PATL2: variants seen among roughly 807,000 people sequenced by gnomAD.
PATL2 encodes the protein PAT1 homolog 2, also known as protein PAT1 homolog 2.
In PATL2, 73 loss-of-function variants were observed where a neutral mutation model predicts 77.0. The ratio of observed to expected loss-of-function variants is 0.95; its 90% CI spans 0.78 to 1.15. PATL2 has a LOEUF of 1.15. PATL2 is among the 50% of genes most tolerant of loss of function. The pLI, the probability that PATL2 is intolerant of heterozygous loss-of-function variation, is 0.00. For synonymous variants in PATL2, 265 were observed against 257.1 expected (o/e 1.03, Z -0.29); for missense variants, 618 against 655.4 (o/e 0.94, Z 0.62).
chr15:44,703,631 A>C (rs1160153166), intron 3 of PATL2, among the ~76,000 whole-genome samples: 2 of 150,842 alleles, frequency 1.3e-5, no homozygotes, highest in African/African-American at 2.4e-5. Flanking sequence ...TTCCATTGGA[A>C]TGGAATATAT....
intron 5 of PATL2, 42 bp from the exon 6 acceptor site, chr15:44,674,272 T>G: frequency 7.1e-7 from 1 of 1,407,446 alleles, no homozygotes; most frequent in Non-Finnish European, 9.7e-7. Flanking sequence ...AATGGGCCCC[T>G]GTAGTGTCTT....
At chr15:44,667,840 G>A (rs2085459858) in intron 15 of PATL2, among the ~76,000 whole-genome samples, 1 of 152,188 alleles carries the variant, frequency 6.6e-6, no homozygotes, top group South Asian at 2.1e-4. Context: ...CTACTTGGGA[G>A]GCTGAGGCAG....
chr15:44,684,455 A>T (rs564260041), intron 3 of PATL2, among the ~76,000 whole-genome samples: 1 of 151,964 alleles, frequency 6.6e-6, no homozygotes, highest in Admixed American at 6.6e-5. Flanking sequence ...AGCATTCACA[A>T]GTATTAATAG....
At chr15:44,675,906 G>A in intron 4 of PATL2, 3 of 542,950 alleles carry the variant, frequency 5.5e-6, no homozygotes, top group Non-Finnish European at 9.7e-6. Flanking sequence ...CCTGAGCCAG[G>A]TGTGGTGGCT....
intron 3 of PATL2, among the ~76,000 whole-genome samples, chr15:44,695,147 C>G (rs902126296): frequency 1.3e-5 from 2 of 151,700 alleles, no homozygotes; most frequent in African/African-American, 4.9e-5. Context: ...GAAGATTGCA[C>G]CATTGCACTC....
chr15:44,666,423 G>C lies in PATL2; in HGVS notation c.1582C>G (p.Gln528Glu). ...CTGGCCTCCAGCTGCTGAACCAATT[G>C]TTTGTCCACGTGGTGACAGAACAGG... ...LPLFCHHVDK[Q>E]LVQQLEARME... Residue 528 changes from glutamine to glutamate, a missense_variant, in exon 17 of 18, where the codon CAA becomes GAA. Coordinates refer to ENST00000682850, the MANE Select transcript of PATL2 (RefSeq NM_001387263.1). 2 of 1,551,702 alleles carry C rather than the reference G, an allele frequency of 1.3e-6. No individual in the cohort carries two copies. Among genetic ancestry groups the C allele is most frequent in the Non-Finnish European group, 1.7e-6 (2 of 1,146,996 alleles).
intron 16 of PATL2, 44 bp downstream of exon 16, chr15:44,667,062 C>T: frequency 7.0e-7 from 1 of 1,434,310 alleles, no homozygotes; most frequent in Non-Finnish European, 9.6e-7. Flanking sequence ...GTCTGCACAT[C>T]CCGAGGGTAC....
chr15:44,698,395 C>G (rs2086557146), intron 3 of PATL2, among the ~76,000 whole-genome samples: 1 of 152,076 alleles, frequency 6.6e-6, no homozygotes, highest in Non-Finnish European at 1.5e-5. Flanking sequence ...CCTCCCCCGA[C>G]TACTCTTCCC....
chr15:44,675,579 C>T lies in PATL2; in HGVS notation c.129G>A (p.Glu43=), dbSNP rs1417334009. 6 of 1,551,802 alleles carry T rather than the reference C, an allele frequency of 3.9e-6. No homozygotes were observed. Among genetic ancestry groups the T allele is most frequent in the East Asian group, 2.4e-5 (1 of 40,930 alleles). ...EGEEEEEEED[E]EDLDPDLDPD... is the part of the protein sequence containing the mutation. ...GGTCCAGATCTGGGTCCAGATCCTCCTCGTCCTCCTCCTCTTCCTCCTCCT... is the reference window on the plus strand; with the variant it reads ...GGTCCAGATCTGGGTCCAGATCCTCTTCGTCCTCCTCCTCTTCCTCCTCCT... The change falls in exon 5 of 18, where the codon GAG becomes GAA. Residue 43 remains glutamate (E), a synonymous_variant. Transcript: ENST00000682850.
At chr15:44,698,192 A>G (rs917088999) in intron 3 of PATL2, among the ~76,000 whole-genome samples, 2 of 152,132 alleles carry the variant, frequency 1.3e-5, no homozygotes, top group African/African-American at 4.8e-5. Flanking sequence ...TAATAATCAC[A>G]TCAGGGAAAA....
chr15:44,669,051 G>C lies in PATL2; in HGVS notation c.1153C>G (p.Gln385Glu). 1 of 1,551,330 alleles carries C rather than the reference G, an allele frequency of 6.4e-7. No homozygotes were observed. The highest frequency in any genetic ancestry group is 8.7e-7 in the Non-Finnish European group (1 of 1,146,798). ...ATAGCCAAAAGAATGGTAACAGCCT[G>C]ATCCTGGGGCAGGAAGGGGAGCAGC... ...ARLLPFLPQDQAVTILLAITH... is the reference protein window; with the variant it reads ...ARLLPFLPQDEAVTILLAITH... Residue 385 changes from glutamine (Q) to glutamate (E), a missense_variant, in exon 14 of 18, where the codon CAG (glutamine) becomes GAG (glutamate). Physicochemically the swap from Gln to Glu is conservative, Grantham distance 29 (BLOSUM62 2). Coordinates refer to ENST00000682850, the MANE Select transcript of PATL2 (RefSeq NM_001387263.1).
intron 3 of PATL2, chr15:44,697,493 T>C (rs188722299): frequency 1.3e-5 from 2 of 152,342 alleles, no homozygotes; most frequent in Admixed American, 6.5e-5. Context: ...TATATTACTT[T>C]TATAAACAGA....
At chr15:44,697,258 T>G (rs1291618602) in intron 3 of PATL2, 3 of 152,280 alleles carry the variant, frequency 2.0e-5, no homozygotes, top group Non-Finnish European at 4.4e-5. Context: ...TTCTTCTTGC[T>G]CCTGCTCATT....
rs1464295766 is a variant in PATL2 at position 44,668,411 on chromosome 15, T to C, written c.1296A>G (p.Gly432=). 2.6e-6 allele frequency: 4 copies of C among 1,551,220 alleles called. No homozygotes were observed. The highest frequency in any genetic ancestry group is 1.2e-5 in the South Asian group (1 of 84,054). Residue 432 remains glycine, a synonymous_variant, in exon 15 of 18, where the codon GGA becomes GGG. Coordinates refer to ENST00000682850, the MANE Select transcript of PATL2 (RefSeq NM_001387263.1). The part of the protein sequence containing the change: ...SHLTLHELLQ[G]LQGLTLLPPG... ...GTGGCAACAGCGTTAATCCCTGAAG[T>C]CCTTGGAGGAGTTCGTGGAGGGTCA...
At chr15:44,684,708 C>G (rs576666631) in intron 3 of PATL2, among the ~76,000 whole-genome samples, 1 of 152,120 alleles carries the variant, frequency 6.6e-6, no homozygotes, top group Non-Finnish European at 1.5e-5. Context: ...CCCAACCTAG[C>G]AAGACAGGCC....
intron 9 of PATL2, among the ~76,000 whole-genome samples, chr15:44,671,531 C>A (rs1458908729): frequency 6.6e-6 from 1 of 151,712 alleles, no homozygotes; most frequent in East Asian, 1.9e-4. Context: ...CTAGACAACC[C>A]AAAAACTTGT....
At chr15:44,689,092 C>A (rs2086327321) in intron 3 of PATL2, among the ~76,000 whole-genome samples, 1 of 152,114 alleles carries the variant, frequency 6.6e-6, no homozygotes, top group African/African-American at 2.4e-5. Flanking sequence ...ATTTATGCAG[C>A]CAACAAACAT....
intron 14 of PATL2, 139 bp from the exon 15 acceptor site, chr15:44,668,621 G>A: frequency 9.1e-7 from 1 of 1,096,820 alleles, no homozygotes. Context: ...TCACCACTAT[G>A]ACTCTCCATC....
Position 44,710,098 on chromosome 15 carries a change from T to C in PATL2, c.-78A>G, listed in dbSNP as rs766970516. Among the ~76,000 whole-genome samples the C allele has an allele frequency of 5.9e-5, 9 of 152,244 alleles. No individual in the cohort carries two copies. Among genetic ancestry groups the C allele is most frequent in the Non-Finnish European group, 5.9e-5 (4 of 68,042 alleles). On this transcript the variant is annotated splice_region_variant and 5_prime_UTR_variant, in exon 3 of 18. Transcript: ENST00000682850. ...ATTAAACACTACAGAACACTTACTA[T>C]GTACCAGGCATTGTGGGAGGCTCTC...
Sources: gnomAD v4.1 joint callset for allele counts (sites outside exome capture counted in the v4.1 genomes callset) on GRCh38, gnomAD v4.1.1 for gene constraint, MANE v1.5 for transcripts, NCBI Gene and HGNC (gene_info 2026-07-23, HGNC 2026-07-21) for gene names.